The following KAT14 variants were observed in gnomAD, a reference collection of about 807,000 sequenced individuals.
The protein encoded by KAT14 is cysteine-rich protein 2-binding protein.
KAT14 carries 66 observed loss-of-function variants against 78.4 expected under a neutral mutation model. The observed-to-expected ratio is 0.84, with a 90% CI of 0.69 to 1.03. The LOEUF is 1.03. Among genes scored for constraint, KAT14 ranks in the 50% least tolerant of loss-of-function variants. The pLI is 0.00. For missense variants in KAT14, 870 were observed against 972.5 expected (o/e 0.89, Z 1.40); for synonymous variants, 344 against 359.4 (o/e 0.96, Z 0.48).
chr20:18,177,971 A>G (rs1388251123), intron 7 of KAT14, among the ~76,000 whole-genome samples: 1 of 152,040 alleles, frequency 6.6e-6, no homozygotes, highest in African/African-American at 2.4e-5. Flanking sequence ...AACCCCTGAT[A>G]AGACCTCTCT....
intron 7 of KAT14, among the ~76,000 whole-genome samples, chr20:18,168,574 T>G (rs1384443455): frequency 6.6e-6 from 1 of 152,194 alleles, no homozygotes; most frequent in Non-Finnish European, 1.5e-5. Flanking sequence ...GTGGCCTCCT[T>G]GTTTTATTCT....
At chr20:18,179,092 T>C (rs2039155416) in intron 7 of KAT14, among the ~76,000 whole-genome samples, 2 of 152,218 alleles carry the variant, frequency 1.3e-5, no homozygotes, top group Admixed American at 6.5e-5. Context: ...CTCCTTATCT[T>C]ACATCCAGGT....
At chr20:18,173,446 G>A (rs2038925169) in intron 7 of KAT14, among the ~76,000 whole-genome samples, 1 of 152,148 alleles carries the variant, frequency 6.6e-6, no homozygotes, top group Non-Finnish European at 1.5e-5. Context: ...TTGTTCAGTG[G>A]TTTACTTGTT....
At chr20:18,182,893 C>A (rs2039312505) in intron 8 of KAT14, among the ~76,000 whole-genome samples, 1 of 152,160 alleles carries the variant, frequency 6.6e-6, no homozygotes, top group Non-Finnish European at 1.5e-5. Flanking sequence ...CATGAAGGCA[C>A]CTAGCACAGT....
At chr20:18,138,334 A>AGGCAC in intron 1 of KAT14, 3 of 1,122,944 alleles carry the variant, frequency 2.7e-6, no homozygotes, top group Non-Finnish European at 2.2e-6. Context: ...TGCTCCGCAC[A>AGGCAC]GGCACGGCAC....
At chr20:18,139,000 G>A (rs1027160284) in intron 1 of KAT14, among the ~76,000 whole-genome samples, 1 of 152,196 alleles carries the variant, frequency 6.6e-6, no homozygotes, top group Non-Finnish European at 1.5e-5. Flanking sequence ...ATAATGGACT[G>A]GATGAATCAA....
At chr20:18,158,390 T>G (rs1172084322) in intron 4 of KAT14, among the ~76,000 whole-genome samples, 2 of 152,270 alleles carry the variant, frequency 1.3e-5, no homozygotes, top group Non-Finnish European at 2.9e-5. Flanking sequence ...TGTGAAAGAC[T>G]GTCTTCTAGG....
chr20:18,172,730 C>T (rs1279807578), intron 7 of KAT14, among the ~76,000 whole-genome samples: 1 of 152,210 alleles, frequency 6.6e-6, no homozygotes, highest in Non-Finnish European at 1.5e-5. Flanking sequence ...TTTGCCATAT[C>T]TCAGTCTGGT....
At chr20:18,173,267 A>G (rs2038916667) in intron 7 of KAT14, among the ~76,000 whole-genome samples, 1 of 152,188 alleles carries the variant, frequency 6.6e-6, no homozygotes, top group African/African-American at 2.4e-5. Context: ...GTCCGCATTG[A>G]GCCTTCAGCA....
intron 7 of KAT14, among the ~76,000 whole-genome samples, chr20:18,165,563 G>A (rs1488042452): frequency 6.6e-6 from 1 of 152,182 alleles, no homozygotes; most frequent in Non-Finnish European, 1.5e-5. Flanking sequence ...CTCTAGAACT[G>A]TGAGACAATA....
At chr20:18,138,337 C>T (rs2037380646) in intron 1 of KAT14, 1 of 1,116,612 alleles carries the variant, frequency 9.0e-7, no homozygotes, top group Admixed American at 5.0e-5. Context: ...TCCGCACAGG[C>T]ACGGCACGCA....
At chr20:18,173,099 G>A (rs1242406972) in intron 7 of KAT14, among the ~76,000 whole-genome samples, 1 of 152,206 alleles carries the variant, frequency 6.6e-6, no homozygotes, top group Admixed American at 6.5e-5. Flanking sequence ...GAGGGCAGGT[G>A]TTACTAAGAA....
chr20:18,185,696 C>T (rs528247208), intron 10 of KAT14, among the ~76,000 whole-genome samples: 1 of 151,984 alleles, frequency 6.6e-6, no homozygotes, highest in East Asian at 1.9e-4. Context: ...TTTTTTTAGT[C>T]AACTTTTACT....
chr20:18,157,696 C>A (rs1296960458), intron 4 of KAT14, among the ~76,000 whole-genome samples: 1 of 152,120 alleles, frequency 6.6e-6, no homozygotes, highest in African/African-American at 2.4e-5. Flanking sequence ...ATATGTAGAA[C>A]CATACAGTAT....
intron 7 of KAT14, among the ~76,000 whole-genome samples, chr20:18,176,250 G>A (rs544129028): frequency 1.2e-4 from 18 of 146,232 alleles, no homozygotes; most frequent in African/African-American, 2.5e-5. Flanking sequence ...GCAGTGAGCC[G>A]AGATGACACC....
chr20:18,178,508 G>A (rs1265217507), intron 7 of KAT14, among the ~76,000 whole-genome samples: 1 of 152,154 alleles, frequency 6.6e-6, no homozygotes, highest in Non-Finnish European at 1.5e-5. Flanking sequence ...ATCATGGTGG[G>A]AGGCAAAAGC....
intron 7 of KAT14, among the ~76,000 whole-genome samples, chr20:18,171,298 A>G (rs1313831279): frequency 6.6e-6 from 1 of 152,220 alleles, no homozygotes; most frequent in Non-Finnish European, 1.5e-5. Flanking sequence ...GTGACCGATA[A>G]ATGTCATGAT....
rs1681718366 is a variant in KAT14 at position 18,145,412 on chromosome 20, G to T, written c.378+61G>T. ...GGTTCCCCCAGGAGTTTGTTGGAACGAATATCTAGAAACTTAGGGATGAGC... is the reference window on the plus strand; with the variant it reads ...GGTTCCCCCAGGAGTTTGTTGGAACTAATATCTAGAAACTTAGGGATGAGC... On this transcript the variant is annotated intron_variant, in intron 3 of 10. Transcript: ENST00000688188. 40 of 1,591,902 alleles carry T rather than the reference G, an allele frequency of 2.5e-5. No individual in the cohort carries two copies. The South Asian group carries it at 4.5e-4, about 18-fold the overall frequency.
intron 2 of KAT14, among the ~76,000 whole-genome samples, chr20:18,144,673 T>G (rs1472993481): frequency 6.6e-6 from 1 of 152,218 alleles, no homozygotes; most frequent in Non-Finnish European, 1.5e-5. Flanking sequence ...ACTCCTAGGC[T>G]CTGCTTCAGA....
Sources: gnomAD v4.1 joint callset for allele counts (sites outside exome capture counted in the v4.1 genomes callset) on GRCh38, gnomAD v4.1.1 for gene constraint, MANE v1.5 for transcripts, NCBI Gene and HGNC (gene_info 2026-07-23, HGNC 2026-07-21) for gene names.